The following CCDC92B variants were observed in gnomAD, a reference collection of about 807,000 sequenced individuals.
CCDC92B encodes coiled-coil domain-containing 92B.
A neutral mutation model predicts 5.6 loss-of-function variants in CCDC92B; 2 were observed. That is an observed-to-expected ratio of 0.36 (90% CI 0.15 to 1.12). CCDC92B has a LOEUF of 1.12. CCDC92B is among the 50% of genes most tolerant of loss of function. The pLI is 0.40. For missense variants in CCDC92B, 271 were observed against 262.2 expected, an observed-to-expected ratio of 1.03 and a Z score of -0.23; for synonymous variants, 115 against 122.3, an observed-to-expected ratio of 0.94 and a Z score of 0.39.
Position 2,726,417 on chromosome 17 carries a change from C to T in CCDC92B, c.179-1417G>A, listed in dbSNP as rs571264684. ...CAGGATGGTTTCGATCTCCTGACCT[C>T]GTGATCCGCCTGCCTCAGCCTCCCA... On this transcript the variant is annotated intron_variant, in intron 3 of 3. Transcript: ENST00000614400. 6.0e-5 allele frequency among the ~76,000 whole-genome samples: 9 copies of T among 151,192 alleles called. No homozygotes were observed. In the South Asian group the frequency reaches 1.9e-3, roughly 32 times the overall value.
At chr17:2,742,492 G>A (rs1229019915) in intron 1 of CCDC92B, among the ~76,000 whole-genome samples, 1 of 152,008 alleles carries the variant, frequency 6.6e-6, no homozygotes, top group Non-Finnish European at 1.5e-5. Flanking sequence ...GAGATGGATT[G>A]GATTAATTCA....
In CCDC92B at chr17:2,724,084, G is replaced by A. The variant is rs1597230984; in HGVS notation, c.*327C>T. ...CCCACCAAGGATTGTCGGCTTTCCCGGGGAAGGGCGTGGCCCCCGCCCCTC... is the reference window on the plus strand; with the variant it reads ...CCCACCAAGGATTGTCGGCTTTCCCAGGGAAGGGCGTGGCCCCCGCCCCTC... On this transcript the variant is annotated 3_prime_UTR_variant, in exon 4 of 4. Coordinates refer to ENST00000614400, the MANE Select transcript of CCDC92B (RefSeq NM_001355573.2). The surrounding 1 kb of genome is among the most constrained non-coding windows in gnomAD (Gnocchi z 5.0). The A allele has an allele frequency of 1.1e-6, 1 of 950,038 alleles. No individual in the cohort carries two copies. Among genetic ancestry groups the A allele is most frequent in the Non-Finnish European group, 1.3e-6 (1 of 798,998 alleles). The allele number at this position is 950,038 out of a possible 1,614,324, so 58.9% of individuals were successfully genotyped here.
intron 3 of CCDC92B, 28 bp downstream of exon 3, chr17:2,730,418 G>C: frequency 1.0e-6 from 1 of 984,184 alleles, no homozygotes; most frequent in Middle Eastern, 5.2e-4. Context: ...GCCCCATGAC[G>C]CTTCCCCACC....
chr17:2,724,145 G>A lies in CCDC92B; in HGVS notation c.*266C>T. On this transcript the variant is annotated 3_prime_UTR_variant, in exon 4 of 4. Transcript: ENST00000614400. This position sits in a 1 kb window ranked among gnomAD's most constrained non-coding sequence, Gnocchi z 5.0. ...GGCAGGTGGGACCAGGCCAGGATCG[G>A]GACGGCGAGTCCTCTCGGTAGAGAA... 1 of 985,404 alleles carries A rather than the reference G, an allele frequency of 1.0e-6. No individual in the cohort carries two copies. The highest frequency in any genetic ancestry group is 1.2e-6 in the Non-Finnish European group (1 of 829,910). The allele number at this position is 985,404 out of a possible 1,614,324, so 61.0% of individuals were successfully genotyped here. A position where few individuals can be genotyped will look rare whatever the true frequency, so the allele number is the denominator to read the frequency against.
intron 3 of CCDC92B, among the ~76,000 whole-genome samples, chr17:2,727,610 G>A (rs1331976852): frequency 3.3e-5 from 5 of 152,088 alleles, no homozygotes; most frequent in Admixed American, 3.3e-4. Context: ...CGGATCACAA[G>A]GTCAGGAGTT....
intron 1 of CCDC92B, among the ~76,000 whole-genome samples, chr17:2,736,016 C>T (rs1036452628): frequency 6.6e-6 from 1 of 152,206 alleles, no homozygotes; most frequent in Non-Finnish European, 1.5e-5. Flanking sequence ...TTCAACTCCA[C>T]TTCAACTTCA....
At chr17:2,747,233 C>CT (rs546136329) in intron 1 of CCDC92B, among the ~76,000 whole-genome samples, 22 of 152,160 alleles carry the variant, frequency 1.4e-4, no homozygotes, top group Non-Finnish European at 2.9e-4. Context: ...CCTAGTGTTT[C>CT]TTTTCTGTTT....
At chr17:2,737,465 C>CTTTTTT (rs34254249) in intron 1 of CCDC92B, among the ~76,000 whole-genome samples, 1 of 60,314 alleles carries the variant, frequency 1.7e-5, no homozygotes, top group Non-Finnish European at 3.0e-5. Context: ...ATAGGCCTTT[C>CTTTTTT]TTTTTTTTTT....
chr17:2,739,729 AAAG>A (rs1204083378), intron 1 of CCDC92B, among the ~76,000 whole-genome samples: 2 of 152,206 alleles, frequency 1.3e-5, no homozygotes, highest in South Asian at 4.1e-4. Flanking sequence ...TAGATAGAAT[AAAG>A]AAATGTAAAG....
At position 2,724,264 on chromosome 17, in the gene CCDC92B, G is replaced by A. The variant is rs1366916530; in HGVS notation, c.*147C>T. On this transcript the variant is annotated 3_prime_UTR_variant, in exon 4 of 4. Coordinates refer to ENST00000614400, the MANE Select transcript of CCDC92B (RefSeq NM_001355573.2). This position sits in a 1 kb window ranked among gnomAD's most constrained non-coding sequence, Gnocchi z 5.0. ...GGAAGTACAAAAGGCTGGCGGTTCG[G>A]GGATTTGGGGGGAGCCGGGGCCGCC... 13 of 985,388 alleles carry A rather than the reference G, an allele frequency of 1.3e-5. No individual in the cohort carries two copies. The highest frequency in any genetic ancestry group is 1.6e-5 in the Non-Finnish European group (13 of 829,900). The allele number at this position is 985,388 out of a possible 1,614,324, so 61.0% of individuals were successfully genotyped here.
chr17:2,744,352 T>G (rs1231923710), intron 1 of CCDC92B, among the ~76,000 whole-genome samples: 5 of 151,946 alleles, frequency 3.3e-5, no homozygotes, highest in Non-Finnish European at 7.4e-5. Context: ...TTTTTATTTT[T>G]ATTTTTATTT....
chr17:2,732,108 A>G (rs1039646142), intron 2 of CCDC92B, among the ~76,000 whole-genome samples: 3 of 152,202 alleles, frequency 2.0e-5, no homozygotes, highest in African/African-American at 7.2e-5. Context: ...CCCAGGGCTG[A>G]GTTGGTGCTG....
At chr17:2,741,852 A>G (rs898103775) in intron 1 of CCDC92B, among the ~76,000 whole-genome samples, 2 of 150,938 alleles carry the variant, frequency 1.3e-5, no homozygotes, top group African/African-American at 4.9e-5. Flanking sequence ...TCAGCCTCCC[A>G]AAGTACTGGG....
In CCDC92B at chr17:2,735,127, C is replaced by G. The variant is rs139738973; in HGVS notation, c.19G>C (p.Glu7Gln). 2 of 985,618 alleles carry G rather than the reference C, an allele frequency of 2.0e-6. No homozygotes were observed. The highest frequency in any genetic ancestry group is 2.3e-4 in the East Asian group (2 of 8,816). The allele number at this position is 985,618 out of a possible 1,614,324, so 61.1% of individuals were successfully genotyped here. A position where few individuals can be genotyped will look rare whatever the true frequency, so the allele number is the denominator to read the frequency against. Reference protein sequence around the residue: MDTVSLEHQIQSVQRHI... With the variant: MDTVSLQHQIQSVQRHI... ...CGTTGCACGCTCTGGATCTGATGCT[C>G]CAGGGACACGGTATCCATGGCAACC... The change falls in exon 2 of 4, where the codon GAG becomes CAG. Residue 7 changes from glutamate to glutamine, a missense_variant. Transcript: ENST00000614400.
chr17:2,742,939 A>G (rs2070939696), intron 1 of CCDC92B, among the ~76,000 whole-genome samples: 1 of 152,128 alleles, frequency 6.6e-6, no homozygotes, highest in Non-Finnish European at 1.5e-5. Context: ...TCCATAGTCA[A>G]TCCATCTGCA....
intron 1 of CCDC92B, among the ~76,000 whole-genome samples, chr17:2,740,618 G>A (rs1049649170): frequency 6.6e-6 from 1 of 151,874 alleles, no homozygotes; most frequent in Non-Finnish European, 1.5e-5. Flanking sequence ...AGCCGACATC[G>A]TGCTACTGCA....
At position 2,724,710 on chromosome 17, in the gene CCDC92B, C is replaced by A. The variant is rs2151736048; in HGVS notation, c.469G>T (p.Gly157Cys). The change falls in exon 4 of 4, where the codon GGC (glycine) becomes TGC (cysteine). Residue 157 changes from glycine to cysteine, a missense_variant. Physicochemically the swap from Gly to Cys is radical, Grantham distance 159. Transcript: ENST00000614400. The surrounding 1 kb of genome is among the most constrained non-coding windows in gnomAD (Gnocchi z 5.0). ...ARQRLQAPRP[G>C]PGATAEPRPR... ...CTGGGCTCGGCGGTGGCGCCGGGGC[C>A]CGGGCGCGGGGCCTGCAGTCTCTGG... 1 of 983,330 alleles carries A rather than the reference C, an allele frequency of 1.0e-6. No homozygotes were observed. Among genetic ancestry groups the A allele is most frequent in the African/African-American group, 1.8e-5 (1 of 56,972 alleles). 60.9% of individuals were successfully genotyped at this position (983,330 alleles called of 1,614,324 possible). A position where few individuals can be genotyped will look rare whatever the true frequency, so the allele number is the denominator to read the frequency against.
Position 2,735,180 on chromosome 17 carries a change from G to A in CCDC92B, c.-23-12C>T, listed in dbSNP as rs2070843849. 7 of 985,500 alleles carry A rather than the reference G, an allele frequency of 7.1e-6. No individual in the cohort carries two copies. The South Asian group carries it at 1.9e-4, about 26-fold the overall frequency. 61.0% of individuals were successfully genotyped at this position (985,500 alleles called of 1,614,324 possible). A position where few individuals can be genotyped will look rare whatever the true frequency, so the allele number is the denominator to read the frequency against. ...GGCCTGGGCCCCACCTAGGGAGGACGACAAGGTGAACCCACCTCTTCTGAG... is the reference window on the plus strand; with the variant it reads ...GGCCTGGGCCCCACCTAGGGAGGACAACAAGGTGAACCCACCTCTTCTGAG... On this transcript the variant is annotated splice_polypyrimidine_tract_variant and intron_variant, in intron 1 of 3. Transcript: ENST00000614400.
At chr17:2,748,524 GTGT>G in intron 1 of CCDC92B, 1 of 980,186 alleles carries the variant, frequency 1.0e-6, no homozygotes, top group Non-Finnish European at 1.2e-6. Context: ...GTGTGTGTGT[GTGT>G]GTGTGTGTGT....
Sources: allele counts gnomAD v4.1 joint callset (sites outside exome capture counted in the v4.1 genomes callset), GRCh38; gene constraint gnomAD v4.1.1; non-coding constraint Gnocchi (gnomAD v3.1); transcripts MANE v1.5; gene names NCBI Gene and HGNC (gene_info 2026-07-23, HGNC 2026-07-21).